Variants in IQGAP1 observed in about 807,000 individuals in gnomAD.
The protein encoded by IQGAP1 is ras GTPase-activating-like protein IQGAP1.
IQGAP1 carries 66 observed loss-of-function variants against 215.6 expected under a neutral mutation model. The ratio of observed to expected loss-of-function variants is 0.31; its 90% CI spans 0.25 to 0.38. The LOEUF (loss-of-function observed/expected upper bound fraction) is 0.38, where lower values mean the gene tolerates loss of function less well. Ranked by LOEUF, IQGAP1 falls within the 10% of genes least tolerant of loss-of-function variation. The pLI, the probability that IQGAP1 is intolerant of heterozygous loss-of-function variation, is 1.00. For synonymous variants in IQGAP1, 772 were observed against 728.7 expected (o/e 1.06, Z -0.96); for missense variants, 1,712 against 1,997.1 (o/e 0.86, Z 2.72).
intron 5 of IQGAP1, among the ~76,000 whole-genome samples, chr15:90,438,456 G>A (rs771365112): frequency 2.4e-4 from 37 of 152,056 alleles, no homozygotes; most frequent in Non-Finnish European, 1.9e-4. Context: ...TTAGAGTCTA[G>A]TTGATTTTTT....
intron 9 of IQGAP1, among the ~76,000 whole-genome samples, chr15:90,444,708 A>G (rs548927327): frequency 5.3e-5 from 8 of 152,232 alleles, no homozygotes; most frequent in Non-Finnish European, 1.0e-4. Context: ...AGAACTCACC[A>G]TGACTACTTC....
chr15:90,388,394 G>A lies in IQGAP1; in HGVS notation c.53G>A (p.Gly18Asp). The A allele has an allele frequency of 6.3e-7, 1 of 1,583,572 alleles. No homozygotes were observed. Among genetic ancestry groups the A allele is most frequent in the Non-Finnish European group, 8.6e-7 (1 of 1,167,558 alleles). The change falls in exon 1 of 38, where the codon GGC becomes GAC. Residue 18 changes from glycine to aspartate, a missense_variant and splice_region_variant. Coordinates refer to ENST00000268182, the MANE Select transcript of IQGAP1 (RefSeq NM_003870.4). ...DGLGVARPHYGSVLDNERLTA... is the reference protein window; with the variant it reads ...DGLGVARPHYDSVLDNERLTA... Reference sequence around the variant, plus strand: ...CTGGGCGTGGCCCGGCCGCACTATGGCTGTGAGTGCGGGGCTCCGCGGCGC... The same window carrying A: ...CTGGGCGTGGCCCGGCCGCACTATGACTGTGAGTGCGGGGCTCCGCGGCGC...
In IQGAP1 at chr15:90,466,140, A is replaced by G. The variant is rs375761999; in HGVS notation, c.1867+49A>G. On this transcript the variant is annotated intron_variant, in intron 16 of 37. Coordinates refer to ENST00000268182, the MANE Select transcript of IQGAP1 (RefSeq NM_003870.4). ...TGTTTTGGTGGAGGCTGGGGTGACA[A>G]GGTGCTCCGTACAGCTTGACCAAGA... is the stretch of plus-strand genomic sequence containing the variant. 17 of 1,591,480 alleles carry G rather than the reference A, an allele frequency of 1.1e-5. No homozygotes were observed. In the African/African-American group the frequency reaches 2.2e-4, roughly 20 times the overall value.
intron 11 of IQGAP1, among the ~76,000 whole-genome samples, chr15:90,451,477 G>T (rs541885482): frequency 6.6e-6 from 1 of 152,218 alleles, no homozygotes. Flanking sequence ...GAACTGATCC[G>T]TTCTCCCCAA....
chr15:90,419,930 C>G (rs939144021), intron 2 of IQGAP1, among the ~76,000 whole-genome samples: 15 of 152,328 alleles, frequency 9.8e-5, no homozygotes, highest in Admixed American at 6.5e-4. Context: ...TGATGTCTAA[C>G]ACTGCTAATA....
intron 2 of IQGAP1, among the ~76,000 whole-genome samples, chr15:90,401,781 C>G (rs1964808359): frequency 6.6e-6 from 1 of 152,142 alleles, no homozygotes; most frequent in African/African-American, 2.4e-5. Flanking sequence ...TCTTAACTGC[C>G]ATGTTAGTCT....
At chr15:90,411,181 G>A (rs770615299) in intron 2 of IQGAP1, among the ~76,000 whole-genome samples, 1 of 152,158 alleles carries the variant, frequency 6.6e-6, no homozygotes, top group Non-Finnish European at 1.5e-5. Context: ...TAAGTTAGAT[G>A]TTCCTCTCTC....
Position 90,433,801 on chromosome 15 carries a change from C to T in IQGAP1, c.467+6C>T. The stretch of plus-strand genomic sequence containing the variant: ...TACTGTATCCATGCACTCAGGTAGT[C>T]AAATTTTCTTGGCAAAATAAGGAAA... On this transcript the variant is annotated splice_donor_region_variant and intron_variant, in intron 5 of 37. Transcript: ENST00000268182. 6.4e-7 allele frequency: 1 copy of T among 1,554,062 alleles called. No homozygotes were observed. The highest frequency in any genetic ancestry group is 8.8e-7 in the Non-Finnish European group (1 of 1,137,346).
intron 2 of IQGAP1, among the ~76,000 whole-genome samples, chr15:90,402,893 G>C (rs910688003): frequency 1.3e-5 from 2 of 152,148 alleles, no homozygotes; most frequent in Non-Finnish European, 1.5e-5. Flanking sequence ...TCATTTTACT[G>C]TAAGTAACAT....
intron 33 of IQGAP1, among the ~76,000 whole-genome samples, chr15:90,488,946 A>G (rs1202624518): frequency 4.6e-5 from 7 of 152,134 alleles, no homozygotes; most frequent in Admixed American, 2.6e-4. Flanking sequence ...GATAAGGAAT[A>G]AAGAGCCTCT....
chr15:90,450,804 G>C (rs1385227835), intron 11 of IQGAP1, among the ~76,000 whole-genome samples: 1 of 141,264 alleles, frequency 7.1e-6, no homozygotes, highest in African/African-American at 2.8e-5. Flanking sequence ...TTATTTGTGG[G>C]GTTTTTTTTT....
rs1965951673 is a variant in IQGAP1, at chr15:90,474,582, G to A, written c.2673G>A (p.Lys891=). 5 of 1,613,948 alleles carry A rather than the reference G, an allele frequency of 3.1e-6. No homozygotes were observed. The highest frequency in any genetic ancestry group is 4.2e-6 in the Non-Finnish European group (5 of 1,179,916). Residue 891 remains lysine, a synonymous_variant, in exon 23 of 38, where the codon AAG becomes AAA. Transcript: ENST00000268182. ...TTCAGGAGGAGCTTGACCTTATGAA[G>A]ATGCGGGAAGAGGTTATCACCCTCA... ...QDFQEELDLM[K]MREEVITLIR...
chr15:90,473,952 G>T lies in IQGAP1; in HGVS notation c.2490G>T (p.Gln830His), dbSNP rs1395826973. Residue 830 changes from glutamine (Q) to histidine (H), a missense_variant, in exon 21 of 38, where the codon CAG becomes CAT. By Grantham distance (24) the Gln-to-His change is conservative. Around this residue, in one of 2 missense-constraint regions of IQGAP1, gnomAD observed 1,021 missense variants for 1,074.2 expected, o/e 0.95. Coordinates refer to ENST00000268182, the MANE Select transcript of IQGAP1 (RefSeq NM_003870.4). ...QARKRYRDRL[Q>H]YFRDHINDII... The stretch of plus-strand genomic sequence containing the variant: ...GAAAGCGCTATCGAGATCGCCTGCA[G>T]TACTTCCGGGACCATGTAAGCACCC... 1 of 1,614,056 alleles carries T rather than the reference G, an allele frequency of 6.2e-7. No homozygotes were observed. Among genetic ancestry groups the T allele is most frequent in the Admixed American group, 1.7e-5 (1 of 60,004 alleles).
At chr15:90,446,884 A>T (rs1460109124) in intron 9 of IQGAP1, among the ~76,000 whole-genome samples, 1 of 152,216 alleles carries the variant, frequency 6.6e-6, no homozygotes, top group Non-Finnish European at 1.5e-5. Flanking sequence ...ACACTTTATT[A>T]TGTTTGCAAT....
intron 2 of IQGAP1, among the ~76,000 whole-genome samples, chr15:90,425,887 G>A (rs1272928000): frequency 6.6e-6 from 1 of 152,138 alleles, no homozygotes; most frequent in Non-Finnish European, 1.5e-5. Flanking sequence ...AAAGTGGGGT[G>A]GAGAAGAAAG....
chr15:90,471,184 A>G (rs977646972), intron 18 of IQGAP1, among the ~76,000 whole-genome samples: 25 of 152,148 alleles, frequency 1.6e-4, no homozygotes, highest in African/African-American at 5.3e-4. Flanking sequence ...TTGTATTTTT[A>G]TCTCACATGA....
intron 2 of IQGAP1, among the ~76,000 whole-genome samples, chr15:90,402,335 G>A (rs1406291394): frequency 6.6e-6 from 1 of 152,130 alleles, no homozygotes; most frequent in Non-Finnish European, 1.5e-5. Flanking sequence ...GTGGCAAATT[G>A]GATTGGAAAT....
At position 90,439,247 on chromosome 15, in the gene IQGAP1, T is replaced by C. The variant is rs2151018594; in HGVS notation, c.468-85T>C. 3 of 919,614 alleles carry C rather than the reference T, an allele frequency of 3.3e-6. 1 individual carries two copies. The highest frequency in any genetic ancestry group is 1.8e-6 in the Non-Finnish European group (1 of 568,966). The allele number at this position is 919,614 out of a possible 1,614,324, so 57.0% of individuals were successfully genotyped here. Reference sequence around the variant, plus strand: ...CTCAGTGTTCAGAATACTTCTATTTTATACTTCATGCTGATTTTCGCCTTT... The same window carrying C: ...CTCAGTGTTCAGAATACTTCTATTTCATACTTCATGCTGATTTTCGCCTTT... On this transcript the variant is annotated intron_variant, in intron 5 of 37. Coordinates refer to ENST00000268182, the MANE Select transcript of IQGAP1 (RefSeq NM_003870.4).
intron 36 of IQGAP1, among the ~76,000 whole-genome samples, chr15:90,496,339 A>T (rs1966274205): frequency 1.1e-5 from 1 of 93,006 alleles, no homozygotes. Context: ...TTTTTTTGAG[A>T]CGGAGTCTCG....
Sources: gnomAD v4.1 joint callset for allele counts (sites outside exome capture counted in the v4.1 genomes callset) on GRCh38, gnomAD v4.1.1 for gene constraint, gnomAD v4.1.1 regional missense constraint, MANE v1.5 for transcripts, NCBI Gene and HGNC (gene_info 2026-07-23, HGNC 2026-07-21) for gene names.